The following RALGPS1 variants were observed in gnomAD, a reference collection of about 807,000 sequenced individuals.
The protein encoded by RALGPS1 is Ral GEF with PH domain and SH3 binding motif 1.
A neutral mutation model predicts 78.8 loss-of-function variants in RALGPS1; 19 were observed. That is an observed-to-expected ratio of 0.24 (90% CI 0.17 to 0.35). The LOEUF is 0.35. RALGPS1 is among the 10% of genes least tolerant of loss of function. RALGPS1 has a pLI of 1.00. For synonymous variants in RALGPS1, 228 were observed against 256.3 expected (o/e 0.89, Z 1.06); for missense variants, 454 against 688.3 (o/e 0.66, Z 3.81).
intron 17 of RALGPS1, 93 bp from the exon 18 acceptor site, chr9:127,214,658 T>G (rs564552665): frequency 6.6e-7 from 1 of 1,516,872 alleles, no homozygotes; most frequent in African/African-American, 1.4e-5. Flanking sequence ...CTTCCCACTT[T>G]AGTTACCCGT....
intron 1 of RALGPS1, among the ~76,000 whole-genome samples, chr9:126,921,962 G>A (rs929692075): frequency 6.6e-6 from 1 of 152,224 alleles, no homozygotes; most frequent in Non-Finnish European, 1.5e-5. Flanking sequence ...CAAGCAATGT[G>A]TTAAAACACA....
At chr9:127,017,279 G>A (rs1374633809) in intron 4 of RALGPS1, among the ~76,000 whole-genome samples, 5 of 152,176 alleles carry the variant, frequency 3.3e-5, no homozygotes, top group African/African-American at 1.2e-4. Flanking sequence ...TTGCTCCTGG[G>A]CTACAAACCT....
At position 127,212,382 on chromosome 9, in the gene RALGPS1, A is replaced by T; in HGVS notation, c.1353+146A>T. ...GCAGCGAGCTGAACTCTCAGGAATT[A>T]TACCTGACACTGCCGTAAAATGAAC... On this transcript the variant is annotated intron_variant, in intron 15 of 18. Coordinates refer to ENST00000259351, the MANE Select transcript of RALGPS1 (RefSeq NM_014636.3). This position sits in a 1 kb window ranked among gnomAD's most constrained non-coding sequence, Gnocchi z 6.0. The T allele has an allele frequency of 1.5e-6, 1 of 685,124 alleles. No individual in the cohort carries two copies. Among genetic ancestry groups the T allele is most frequent in the African/African-American group, 1.8e-5 (1 of 55,372 alleles). 42.4% of individuals were successfully genotyped at this position (685,124 alleles called of 1,614,324 possible).
chr9:127,209,917 G>A (rs745789034), intron 14 of RALGPS1, among the ~76,000 whole-genome samples: 7 of 152,320 alleles, frequency 4.6e-5, no homozygotes, highest in Non-Finnish European at 8.8e-5. Context: ...TCTGGCCAAC[G>A]GGCAAGAAGA....
intron 8 of RALGPS1, among the ~76,000 whole-genome samples, chr9:127,119,522 G>C (rs1422450739): frequency 6.6e-6 from 1 of 152,216 alleles, no homozygotes; most frequent in Non-Finnish European, 1.5e-5. Context: ...GTGACTTTGG[G>C]CAAGTTAACC....
intron 8 of RALGPS1, among the ~76,000 whole-genome samples, chr9:127,128,886 C>T (rs986170251): frequency 2.6e-5 from 4 of 152,134 alleles, no homozygotes; most frequent in African/African-American, 9.7e-5. Flanking sequence ...AAATGCTGGC[C>T]AAACAAGTAT....
intron 8 of RALGPS1, among the ~76,000 whole-genome samples, chr9:127,133,570 C>T (rs547945880): frequency 6.6e-6 from 1 of 152,352 alleles, no homozygotes; most frequent in East Asian, 1.9e-4. Flanking sequence ...GCCACCCACT[C>T]ACCCACCGGC....
chr9:126,931,957 G>C (rs2035829295), intron 1 of RALGPS1, among the ~76,000 whole-genome samples: 1 of 150,720 alleles, frequency 6.6e-6, no homozygotes, highest in Non-Finnish European at 1.5e-5. Flanking sequence ...GCAATGTGTT[G>C]GGATTAGCAT....
chr9:127,217,866 T>C (rs2062660090), intron 18 of RALGPS1: 1 of 152,260 alleles, frequency 6.6e-6, no homozygotes, highest in African/African-American at 2.4e-5. Context: ...TCATCTGTGT[T>C]ACCACATGTA....
intron 11 of RALGPS1, 121 bp downstream of exon 11, chr9:127,174,903 T>A: frequency 1.2e-6 from 1 of 830,800 alleles, no homozygotes. Context: ...GACTCAGCTA[T>A]CCCTGTTCAC....
intron 18 of RALGPS1, among the ~76,000 whole-genome samples, chr9:127,215,742 C>A (rs1311348817): frequency 6.6e-6 from 1 of 152,224 alleles, no homozygotes; most frequent in Non-Finnish European, 1.5e-5. Flanking sequence ...TACCTGAGCC[C>A]TCAGCAGCAG....
At chr9:127,025,329 G>A (rs2045876159) in intron 4 of RALGPS1, among the ~76,000 whole-genome samples, 1 of 152,142 alleles carries the variant, frequency 6.6e-6, no homozygotes, top group Non-Finnish European at 1.5e-5. Flanking sequence ...TCTAGTCTGG[G>A]GAAATAGAGA....
intron 4 of RALGPS1, among the ~76,000 whole-genome samples, chr9:127,003,396 C>T (rs1054938547): frequency 3.9e-5 from 6 of 151,920 alleles, no homozygotes; most frequent in South Asian, 2.1e-4. Context: ...GGGCAAAGGA[C>T]ATGAACAGAC....
At chr9:127,099,831 A>G (rs942497064) in intron 8 of RALGPS1, among the ~76,000 whole-genome samples, 1 of 152,240 alleles carries the variant, frequency 6.6e-6, no homozygotes, top group Non-Finnish European at 1.5e-5. Context: ...ATTTCTGATC[A>G]TTCCAGGGAA....
chr9:126,953,269 G>A (rs944007588), intron 1 of RALGPS1, among the ~76,000 whole-genome samples: 2 of 152,116 alleles, frequency 1.3e-5, no homozygotes, highest in African/African-American at 2.4e-5. Context: ...CAACTGCCAC[G>A]TTCTTAAGAA....
chr9:126,951,843 T>G (rs2037852101), intron 1 of RALGPS1, among the ~76,000 whole-genome samples: 2 of 152,100 alleles, frequency 1.3e-5, no homozygotes, highest in African/African-American at 4.8e-5. Context: ...GAGAAAGAAA[T>G]AAAGGGTATT....
intron 7 of RALGPS1, among the ~76,000 whole-genome samples, chr9:127,063,442 T>C (rs1056048798): frequency 6.6e-6 from 1 of 152,284 alleles, no homozygotes; most frequent in Non-Finnish European, 1.5e-5. Context: ...TTAATTCATT[T>C]TGCATATGTG....
intron 3 of RALGPS1, among the ~76,000 whole-genome samples, chr9:126,976,483 G>A (rs1410200072): frequency 6.6e-6 from 1 of 151,960 alleles, no homozygotes; most frequent in Non-Finnish European, 1.5e-5. Context: ...TGTTTATTGA[G>A]CATCTGTCAG....
intron 4 of RALGPS1, among the ~76,000 whole-genome samples, chr9:127,001,222 G>A (rs1378318707): frequency 6.6e-6 from 1 of 151,748 alleles, no homozygotes; most frequent in Non-Finnish European, 1.5e-5. Context: ...AGGAGGTTGA[G>A]GCTGTAGTGA....
Sources: allele counts gnomAD v4.1 joint callset (sites outside exome capture counted in the v4.1 genomes callset), GRCh38; gene constraint gnomAD v4.1.1; non-coding constraint Gnocchi (gnomAD v3.1); transcripts MANE v1.5; gene names NCBI Gene and HGNC (gene_info 2026-07-23, HGNC 2026-07-21).